Variants in TRIQK observed in about 807,000 individuals in gnomAD.
The protein encoded by TRIQK is triple QxxK/R motif containing, also known as triple QxxK/R motif-containing protein.
A neutral mutation model predicts 10.8 loss-of-function variants in TRIQK; 10 were observed. The observed-to-expected ratio is 0.92, with a 90% CI of 0.57 to 1.57. The LOEUF (loss-of-function observed/expected upper bound fraction) is 1.57. Among genes scored for constraint, TRIQK ranks in the 40% most tolerant of loss-of-function variants. The pLI, the probability that TRIQK is intolerant of heterozygous loss-of-function variation, is 0.00. For missense variants in TRIQK, 107 were observed against 97.7 expected, an observed-to-expected ratio of 1.09 and a Z score of -0.40; for synonymous variants, 33 against 33.7, an observed-to-expected ratio of 0.98 and a Z score of 0.07.
At chr8:92,987,190 C>T (rs2130747437) in intron 1 of TRIQK, among the ~76,000 whole-genome samples, 1 of 152,222 alleles carries the variant, frequency 6.6e-6, no homozygotes, top group Middle Eastern at 3.4e-3. Flanking sequence ...ATCACATAGG[C>T]CATTGAAGCA....
chr8:93,002,526 G>A (rs1200664693), intron 1 of TRIQK, among the ~76,000 whole-genome samples: 9 of 151,858 alleles, frequency 5.9e-5, no homozygotes, highest in Non-Finnish European at 1.3e-4. Context: ...CAAAAGCATT[G>A]GACACATACA....
At chr8:92,947,319 A>T (rs1297929996) in intron 2 of TRIQK, among the ~76,000 whole-genome samples, 5 of 151,290 alleles carry the variant, frequency 3.3e-5, no homozygotes, top group Admixed American at 3.3e-4. Flanking sequence ...GCGGTGGCTC[A>T]CGCCTGTAAT....
In TRIQK at chr8:92,938,287, C is replaced by T. The variant is rs556832953; in HGVS notation, c.-22+16119G>A. ...TTTAATTGAGATATATATATATATT[C>T]GAGGTGTACAACATGATTGGATATA... is the stretch of plus-strand genomic sequence containing the variant. On this transcript the variant is annotated intron_variant, in intron 2 of 4. Transcript: ENST00000521988. Among the ~76,000 whole-genome samples the T allele has an allele frequency of 2.1e-3, 321 of 151,696 alleles. 2 individuals carry two copies. The highest frequency in any genetic ancestry group is 3.6e-3 in the Non-Finnish European group (247 of 67,876).
chr8:92,944,082 G>A (rs1298831294), intron 2 of TRIQK, among the ~76,000 whole-genome samples: 4 of 152,024 alleles, frequency 2.6e-5, no homozygotes, highest in Non-Finnish European at 5.9e-5. Context: ...CTCAAAGGAA[G>A]ACATACAAAT....
intron 2 of TRIQK, among the ~76,000 whole-genome samples, chr8:92,952,554 A>T (rs1364035350): frequency 6.6e-6 from 1 of 151,986 alleles, no homozygotes. Context: ...TATTTGAAAC[A>T]ATAATGACTG....
chr8:92,920,772 G>A (rs1446696955), intron 2 of TRIQK, among the ~76,000 whole-genome samples: 5 of 151,680 alleles, frequency 3.3e-5, no homozygotes, highest in Admixed American at 3.3e-4. Context: ...AAAATGTGAG[G>A]GAACTATATT....
At position 92,919,530 on chromosome 8, in the gene TRIQK, AT is replaced by A. The variant is rs1045940931; in HGVS notation, c.-21-2521del. Among the ~76,000 whole-genome samples, 116 of 151,838 alleles carry A rather than the reference AT, an allele frequency of 7.6e-4. 1 individual carries two copies. The highest frequency in any genetic ancestry group is 2.4e-3 in the African/African-American group (98 of 41,504). On this transcript the variant is annotated intron_variant, in intron 2 of 4. Transcript: ENST00000521988. ...CATTATCTTTTGAACGTGTTGCTGA[AT>A]TTGGTTTGTAGTGTTTTGTTGAGAT...
intron 1 of TRIQK, among the ~76,000 whole-genome samples, chr8:92,990,682 C>A (rs1813086945): frequency 6.6e-6 from 1 of 152,136 alleles, no homozygotes; most frequent in African/African-American, 2.4e-5. Flanking sequence ...CCAAGGAAAG[C>A]CTTGAGGGAC....
In TRIQK at chr8:92,884,410, CAG is replaced by C. The variant is rs1816364185; in HGVS notation, c.*2210_*2211del. On this transcript the variant is annotated 3_prime_UTR_variant, in exon 5 of 5. Transcript: ENST00000521988. ...CACTTTACCTACTATTTACTAAAAT[CAG>C]AGAGTTTAGCCTTTGAAATTTATGG... The C allele has an allele frequency of 5.8e-6, 1 of 171,192 alleles. No homozygotes were observed. The highest frequency in any genetic ancestry group is 1.3e-5 in the Non-Finnish European group (1 of 78,882). 10.6% of individuals were successfully genotyped at this position (171,192 alleles called of 1,614,324 possible).
chr8:92,908,374 T>A (rs1349104376), intron 3 of TRIQK, among the ~76,000 whole-genome samples: 2 of 152,144 alleles, frequency 1.3e-5, no homozygotes, highest in African/African-American at 4.8e-5. Context: ...GAATACTGCA[T>A]AAGCTGCTTA....
intron 3 of TRIQK, among the ~76,000 whole-genome samples, chr8:92,905,986 T>G (rs572125692): frequency 6.6e-6 from 1 of 152,256 alleles, no homozygotes; most frequent in South Asian, 2.1e-4. Context: ...ACTATAAGAT[T>G]AGGTATTTTA....
chr8:92,979,334 T>C (rs1323839726), intron 1 of TRIQK, among the ~76,000 whole-genome samples: 3 of 152,140 alleles, frequency 2.0e-5, no homozygotes, highest in African/African-American at 4.8e-5. Flanking sequence ...CTCTGGAAGA[T>C]GCAGTTTGCA....
chr8:92,963,145 A>G (rs1446206884), intron 1 of TRIQK, among the ~76,000 whole-genome samples: 1 of 152,222 alleles, frequency 6.6e-6, no homozygotes, highest in Non-Finnish European at 1.5e-5. Flanking sequence ...TTGAATAAAG[A>G]AAGAGTCAAG....
chr8:92,883,841 A>C lies in TRIQK; in HGVS notation c.*2781T>G, dbSNP rs941229016. On this transcript the variant is annotated 3_prime_UTR_variant, in exon 5 of 5. Transcript: ENST00000521988. ...AACTACCCACCCTACATTTGTACTAAAATAGGCTTTTGCTTGTTTTAAAAG... is the reference window on the plus strand; with the variant it reads ...AACTACCCACCCTACATTTGTACTACAATAGGCTTTTGCTTGTTTTAAAAG... 2 of 151,750 alleles carry C rather than the reference A, an allele frequency of 1.3e-5. No individual in the cohort carries two copies. Among genetic ancestry groups the C allele is most frequent in the African/African-American group, 4.8e-5 (2 of 41,390 alleles). The allele number at this position is 151,750 out of a possible 1,614,324, so 9.4% of individuals were successfully genotyped here.
intron 2 of TRIQK, among the ~76,000 whole-genome samples, chr8:92,944,519 T>C (rs558340109): frequency 4.6e-5 from 7 of 152,232 alleles, no homozygotes; most frequent in African/African-American, 1.4e-4. Context: ...AATGAAATAC[T>C]ATCCAGCCAT....
At chr8:92,894,304 A>G (rs1408239558) in intron 3 of TRIQK, among the ~76,000 whole-genome samples, 1 of 152,136 alleles carries the variant, frequency 6.6e-6, no homozygotes, top group Non-Finnish European at 1.5e-5. Context: ...TAGGTTCTTT[A>G]TAACTAAAGC....
chr8:92,953,747 G>A (rs1226477677), intron 2 of TRIQK: 1 of 151,968 alleles, frequency 6.6e-6, no homozygotes, highest in East Asian at 1.9e-4. Context: ...GTACTGTAGA[G>A]ACATTTAGAC....
intron 2 of TRIQK, among the ~76,000 whole-genome samples, chr8:92,936,682 G>C (rs181963618): frequency 3.9e-4 from 59 of 151,450 alleles, no homozygotes; most frequent in African/African-American, 1.3e-3. Context: ...GAGCATAGGG[G>C]ATTGGAAAGG....
At chr8:92,890,395 T>C (rs1017554454) in intron 4 of TRIQK, among the ~76,000 whole-genome samples, 2 of 151,778 alleles carry the variant, frequency 1.3e-5, no homozygotes, top group Admixed American at 6.6e-5. Context: ...TGCTGTCAGT[T>C]TGAAAGTTTT....
Sources: gnomAD v4.1 joint callset for allele counts (sites outside exome capture counted in the v4.1 genomes callset) on GRCh38, gnomAD v4.1.1 for gene constraint, MANE v1.5 for transcripts, NCBI Gene and HGNC (gene_info 2026-07-23, HGNC 2026-07-21) for gene names.